Variants in CPT2 observed in about 807,000 individuals in gnomAD.
CPT2 encodes carnitine O-palmitoyltransferase 2, mitochondrial.
A neutral mutation model predicts 48.6 loss-of-function variants in CPT2; 37 were observed. That is an observed-to-expected ratio of 0.76 (90% CI 0.59 to 1.00). The LOEUF (loss-of-function observed/expected upper bound fraction) is 1.00, where lower values mean the gene tolerates loss of function less well. CPT2 is among the 50% of genes least tolerant of loss of function. CPT2 has a pLI of 0.00. For synonymous variants in CPT2, 319 were observed against 326.9 expected, an observed-to-expected ratio of 0.98 and a Z score of 0.26; for missense variants, 772 against 825.6, an observed-to-expected ratio of 0.94 and a Z score of 0.80.
In CPT2 at chr1:53,211,207, G is replaced by GTGC; in HGVS notation, c.1535_1537dup (p.Cys512dup). 2.5e-6 allele frequency: 4 copies of GTGC among 1,609,440 alleles called. No homozygotes were observed. Among genetic ancestry groups the GTGC allele is most frequent in the Non-Finnish European group, 3.4e-6 (4 of 1,176,868 alleles). On this transcript the variant is annotated inframe_insertion, in exon 4 of 5. Coordinates refer to ENST00000371486, the MANE Select transcript of CPT2 (RefSeq NM_000098.3). Reference sequence around the variant, plus strand: ...GCCCGGCCTCCGTCTATACAAAGAGGTGCTCTGAGGCCTTTGTCAGGGAGC... The same window carrying GTGC: ...GCCCGGCCTCCGTCTATACAAAGAGGTGCTGCTCTGAGGCCTTTGTCAGGGAGC...
At position 53,202,257 on chromosome 1, in the gene CPT2, G is replaced by C. The variant is rs192450210; in HGVS notation, c.234-66G>C. ...CCCAAAACTCTATTATGAGTTCCTC[G>C]CCATGAACCTAAAAATCATGTATTC... On this transcript the variant is annotated intron_variant, in intron 2 of 4. Coordinates refer to ENST00000371486, the MANE Select transcript of CPT2 (RefSeq NM_000098.3). 9 of 1,315,028 alleles carry C rather than the reference G, an allele frequency of 6.8e-6. No individual in the cohort carries two copies. The Admixed American group carries it at 8.5e-5, about 12-fold the overall frequency. 81.5% of individuals were successfully genotyped at this position (1,315,028 alleles called of 1,614,324 possible).
At position 53,213,621 on chromosome 1, in the gene CPT2, T is replaced by A; in HGVS notation, c.*26T>A. 1 of 1,595,994 alleles carries A rather than the reference T, an allele frequency of 6.3e-7. No individual in the cohort carries two copies. The highest frequency in any genetic ancestry group is 8.6e-7 in the Non-Finnish European group (1 of 1,167,816). ...CTTCTGGGCAGATGAAAAGCTACCA[T>A]CACTTCCTCATCATGAAAACTGGGA... On this transcript the variant is annotated 3_prime_UTR_variant, in exon 5 of 5. Transcript: ENST00000371486.
At chr1:53,208,022 G>C (rs1002676216) in intron 3 of CPT2, 21 of 152,052 alleles carry the variant, frequency 1.4e-4, no homozygotes, top group African/African-American at 4.1e-4. Context: ...TCCAGTATTT[G>C]TTTTCTCGTC....
rs1274903903 is a variant in CPT2, at chr1:53,210,297, A to G, written c.623A>G (p.Asn208Ser). The part of the protein sequence containing the change: ...SLSWYGAYLV[N>S]AYPLDMSQYF... ...TCCTGGTATGGGGCCTACCTGGTCAATGCGTATCCCCTGGATATGTCCCAG... is the reference window on the plus strand; with the variant it reads ...TCCTGGTATGGGGCCTACCTGGTCAGTGCGTATCCCCTGGATATGTCCCAG... Residue 208 changes from asparagine to serine, a missense_variant, in exon 4 of 5, where the codon AAT becomes AGT. Transcript: ENST00000371486. 2 of 1,614,038 alleles carry G rather than the reference A, an allele frequency of 1.2e-6. No individual in the cohort carries two copies. Among genetic ancestry groups the G allele is most frequent in the African/African-American group, 2.7e-5 (2 of 74,924 alleles).
At chr1:53,204,292 C>T (rs1323236922) in intron 3 of CPT2, 2 of 151,876 alleles carry the variant, frequency 1.3e-5, no homozygotes, top group African/African-American at 2.4e-5. Flanking sequence ...TCATCTCTTA[C>T]TCTTTTTGTT....
rs1317020699 is a variant in CPT2, at chr1:53,210,290, C to G, written c.616C>G (p.Leu206Val). ...CTCTCTGTCCTGGTATGGGGCCTAC[C>G]TGGTCAATGCGTATCCCCTGGATAT... Reference protein sequence around the residue: ...PSSLSWYGAYLVNAYPLDMSQ... With the variant: ...PSSLSWYGAYVVNAYPLDMSQ... The change falls in exon 4 of 5, where the codon CTG (leucine) becomes GTG (valine). Residue 206 changes from leucine to valine, a missense_variant. Physicochemically the swap from Leu to Val is conservative, Grantham distance 32 (BLOSUM62 1). Coordinates refer to ENST00000371486, the MANE Select transcript of CPT2 (RefSeq NM_000098.3). 3 of 1,614,200 alleles carry G rather than the reference C, an allele frequency of 1.9e-6. No individual in the cohort carries two copies. In the Admixed American group the frequency reaches 5.0e-5, roughly 27 times the overall value.
At chr1:53,212,083 G>C (rs903687015) in intron 4 of CPT2, among the ~76,000 whole-genome samples, 1 of 40,358 alleles carries the variant, frequency 2.5e-5, no homozygotes, top group Non-Finnish European at 5.1e-5. Flanking sequence ...TTTTTTTTTT[G>C]AGATGGACTC....
At chr1:53,203,885 T>G (rs187203767) in intron 3 of CPT2, 34 of 152,296 alleles carry the variant, frequency 2.2e-4, no homozygotes, top group African/African-American at 7.2e-4. Context: ...ATTGATAATT[T>G]GTTTGGCTGG....
At chr1:53,207,029 T>C (rs1320006476) in intron 3 of CPT2, among the ~76,000 whole-genome samples, 3 of 152,138 alleles carry the variant, frequency 2.0e-5, no homozygotes, top group African/African-American at 7.2e-5. Context: ...TGGGGTAGTT[T>C]CCCCCATGCT....
rs901767832 is a variant in CPT2, at chr1:53,213,502, C to T, written c.1884C>T (p.Tyr628=). 3.7e-6 allele frequency: 6 copies of T among 1,614,110 alleles called. No individual in the cohort carries two copies. The highest frequency in any genetic ancestry group is 5.1e-6 in the Non-Finnish European group (6 of 1,180,048). Residue 628 remains tyrosine (Y), a synonymous_variant, in exon 5 of 5, where the codon TAC becomes TAT. Transcript: ENST00000371486. ...DNWIGCNVSS[Y]PGRNAREFLQ... ...GGATAGGCTGCAATGTCTCTTCCTA[C>T]CCAGGCCGCAATGCCCGGGAGTTTC...
At chr1:53,197,559 A>C in intron 1 of CPT2, 1 of 247,276 alleles carries the variant, frequency 4.0e-6, no homozygotes, top group Non-Finnish European at 8.1e-6. Context: ...TTCTCCCAGC[A>C]CCGCCTTCAC....
At chr1:53,213,233 A>G (rs746853316) in intron 4 of CPT2, 31 bp from the exon 5 acceptor site, 1 of 1,612,102 alleles carries the variant, frequency 6.2e-7, no homozygotes, top group Non-Finnish European at 8.5e-7. Flanking sequence ...TTCCATCCTG[A>G]GACTCTGGTT....
Position 53,211,197 on chromosome 1 carries a change from A to G in CPT2, c.1523A>G (p.Tyr508Cys), listed in dbSNP as rs1029886867. The change falls in exon 4 of 5, where the codon TAT (tyrosine) becomes TGT (cysteine). Residue 508 changes from tyrosine (Y) to cysteine (C), a missense_variant. By Grantham distance (194) the Tyr-to-Cys change is radical. Coordinates refer to ENST00000371486, the MANE Select transcript of CPT2 (RefSeq NM_000098.3). ...GAGACCATCCGCCCGGCCTCCGTCT[A>G]TACAAAGAGGTGCTCTGAGGCCTTT... ...RTETIRPASV[Y>C]TKRCSEAFVR... 7.5e-6 allele frequency: 12 copies of G among 1,609,720 alleles called. No individual in the cohort carries two copies. Among genetic ancestry groups the G allele is most frequent in the Non-Finnish European group, 1.0e-5 (12 of 1,177,170 alleles).
intron 4 of CPT2, among the ~76,000 whole-genome samples, chr1:53,212,035 G>A (rs1237009098): frequency 6.6e-6 from 1 of 151,568 alleles, no homozygotes; most frequent in Non-Finnish European, 1.5e-5. Flanking sequence ...TGGGACTATA[G>A]GCATGCACCA....
At chr1:53,202,079 C>G (rs576996881) in intron 2 of CPT2, 1 of 459,140 alleles carries the variant, frequency 2.2e-6, no homozygotes. Flanking sequence ...AAACTGCCTC[C>G]TAGGATATGG....
intron 3 of CPT2, 79 bp from the exon 4 acceptor site, chr1:53,209,936 G>T: frequency 7.9e-7 from 1 of 1,269,096 alleles, no homozygotes; most frequent in South Asian, 1.3e-5. Context: ...GTCTATGCTT[G>T]AATTTTTTTT....
chr1:53,201,178 T>G (rs1364125442), intron 2 of CPT2: 1 of 286,648 alleles, frequency 3.5e-6, no homozygotes, highest in African/African-American at 2.2e-5. Context: ...GTTTATTGAG[T>G]TGGATAGCAT....
intron 3 of CPT2, chr1:53,202,681 A>G (rs938887034): frequency 1.9e-6 from 1 of 518,966 alleles, no homozygotes; most frequent in African/African-American, 1.9e-5. Context: ...AACCTAATCA[A>G]TGGTCCTGTC....
Position 53,213,518 on chromosome 1 carries a change from C to T in CPT2, c.1900C>T (p.Arg634Trp), listed in dbSNP as rs1352360897. ...NVSSYPGRNA[R>W]EFLQCVEKAL... is the part of the protein sequence containing the mutation. ...CTCTTCCTACCCAGGCCGCAATGCC[C>T]GGGAGTTTCTCCAATGTGTGGAGAA... The change falls in exon 5 of 5, where the codon CGG becomes TGG. Residue 634 changes from arginine (R) to tryptophan (W), a missense_variant. Transcript: ENST00000371486. The T allele has an allele frequency of 4.3e-6, 7 of 1,614,072 alleles. No homozygotes were observed. The highest frequency in any genetic ancestry group is 5.9e-6 in the Non-Finnish European group (7 of 1,180,044).
Sources: gnomAD v4.1 joint callset for allele counts (sites outside exome capture counted in the v4.1 genomes callset) on GRCh38, gnomAD v4.1.1 for gene constraint, MANE v1.5 for transcripts, NCBI Gene and HGNC (gene_info 2026-07-23, HGNC 2026-07-21) for gene names.